The following ZNF740 variants were observed in gnomAD, a reference collection of about 807,000 sequenced individuals.
ZNF740 encodes the protein oriLyt TD-element-binding protein 7.
In ZNF740, 14 loss-of-function variants were observed where a neutral mutation model predicts 24.8. The observed-to-expected ratio is 0.56, with a 90% CI of 0.37 to 0.88. The LOEUF (loss-of-function observed/expected upper bound fraction) is 0.88. Ranked by LOEUF, ZNF740 falls within the 40% of genes least tolerant of loss-of-function variation. The pLI, the probability that ZNF740 is intolerant of heterozygous loss-of-function variation, is 0.00. For missense variants in ZNF740, 201 were observed against 247.9 expected, an observed-to-expected ratio of 0.81 and a Z score of 1.27; for synonymous variants, 69 against 84.0, an observed-to-expected ratio of 0.82 and a Z score of 0.98.
chr12:53,191,442 C>G lies in ZNF740; in HGVS notation c.*3852C>G. Reference sequence around the variant, plus strand: ...AAAATGAAGTAGGGTGGTGGCCGCACCTCGCCAGTGAATTAGTCCCCTACC... The same window carrying G: ...AAAATGAAGTAGGGTGGTGGCCGCAGCTCGCCAGTGAATTAGTCCCCTACC... On this transcript the variant is annotated 3_prime_UTR_variant, in exon 7 of 7. Coordinates refer to ENST00000416904, the MANE Select transcript of ZNF740 (RefSeq NM_001004304.4). 1 of 847,736 alleles carries G rather than the reference C, an allele frequency of 1.2e-6. No individual in the cohort carries two copies. The highest frequency in any genetic ancestry group is 1.4e-5 in the South Asian group (1 of 73,404). 52.5% of individuals were successfully genotyped at this position (847,736 alleles called of 1,614,324 possible). A position where few individuals can be genotyped will look rare whatever the true frequency, so the allele number is the denominator to read the frequency against.
Position 53,190,463 on chromosome 12 carries a change from A to G in ZNF740, c.*2873A>G, listed in dbSNP as rs972545826. ...GCACCAGGCCCTACCAGCTCAGGCTATAAACAGTCTGCTTTGCCCCAAGTC... is the reference window on the plus strand; with the variant it reads ...GCACCAGGCCCTACCAGCTCAGGCTGTAAACAGTCTGCTTTGCCCCAAGTC... On this transcript the variant is annotated 3_prime_UTR_variant, in exon 7 of 7. Coordinates refer to ENST00000416904, the MANE Select transcript of ZNF740 (RefSeq NM_001004304.4). 2.6e-5 allele frequency: 4 copies of G among 152,850 alleles called. No homozygotes were observed. Among genetic ancestry groups the G allele is most frequent in the African/African-American group, 7.2e-5 (3 of 41,452 alleles). The allele number at this position is 152,850 out of a possible 1,614,324, so 9.5% of individuals were successfully genotyped here.
rs761429296 is a variant in ZNF740, at chr12:53,192,302, A to G, written c.*4712A>G. On this transcript the variant is annotated 3_prime_UTR_variant, in exon 7 of 7. Transcript: ENST00000416904. ...TTGAGACCCTGCCCATCAAACTTCC[A>G]GGGTTTGTGGCATCCCTGCCCACTT... is the stretch of plus-strand genomic sequence containing the variant. 1 of 1,609,602 alleles carries G rather than the reference A, an allele frequency of 6.2e-7. No individual in the cohort carries two copies. The highest frequency in any genetic ancestry group is 8.5e-7 in the Non-Finnish European group (1 of 1,176,776).
intron 2 of ZNF740, among the ~76,000 whole-genome samples, chr12:53,183,560 A>C (rs1367481339): frequency 2.6e-5 from 4 of 152,168 alleles, no homozygotes; most frequent in Non-Finnish European, 4.4e-5. Flanking sequence ...AGAATGTAGC[A>C]GTTTTCTGGA....
Position 53,191,819 on chromosome 12 carries a change from GGA to G in ZNF740, c.*4230_*4231del, listed in dbSNP as rs767890051. ...GAATCAGGGCTGGTCTTGTGGTGGG[GGA>G]ACAGCTAAAAAGGGGCCTAACCAGG... On this transcript the variant is annotated 3_prime_UTR_variant, in exon 7 of 7. Transcript: ENST00000416904. 1 of 1,611,828 alleles carries G rather than the reference GGA, an allele frequency of 6.2e-7. No homozygotes were observed. Among genetic ancestry groups the G allele is most frequent in the South Asian group, 1.1e-5 (1 of 91,010 alleles).
In ZNF740 at chr12:53,190,534, C is replaced by G. The variant is rs1248296940; in HGVS notation, c.*2944C>G. 1 of 152,728 alleles carries G rather than the reference C, an allele frequency of 6.5e-6. No individual in the cohort carries two copies. The highest frequency in any genetic ancestry group is 1.5e-5 in the Non-Finnish European group (1 of 68,120). 9.5% of individuals were successfully genotyped at this position (152,728 alleles called of 1,614,324 possible). A position where few individuals can be genotyped will look rare whatever the true frequency, so the allele number is the denominator to read the frequency against. ...GCCTTGTCATCACTTAGCTACTGAT[C>G]ACGCCCATGGCTTGACATTGGAGGG... On this transcript the variant is annotated 3_prime_UTR_variant, in exon 7 of 7. Coordinates refer to ENST00000416904, the MANE Select transcript of ZNF740 (RefSeq NM_001004304.4).
Position 53,181,793 on chromosome 12 carries a change from G to T in ZNF740, c.-191G>T, listed in dbSNP as rs763768866. 2.1e-5 allele frequency: 15 copies of T among 703,846 alleles called. No individual in the cohort carries two copies. The highest frequency in any genetic ancestry group is 3.2e-5 in the Non-Finnish European group (14 of 430,992). 43.6% of individuals were successfully genotyped at this position (703,846 alleles called of 1,614,324 possible). ...GCCAGGCAGAGTCCAGGGATTCTTG[G>T]AACACCTATCTTTTCTTCGGAGGAC... On this transcript the variant is annotated 5_prime_UTR_variant, in exon 2 of 7. Coordinates refer to ENST00000416904, the MANE Select transcript of ZNF740 (RefSeq NM_001004304.4).
chr12:53,192,549 G>T lies in ZNF740; in HGVS notation c.*4959G>T. ...CACTCTGCACAGTCCCTGTGTAGTA[G>T]ATGCCAATAGGTTACCAGCTGGGCA... is the stretch of plus-strand genomic sequence containing the variant. On this transcript the variant is annotated 3_prime_UTR_variant, in exon 7 of 7. Coordinates refer to ENST00000416904, the MANE Select transcript of ZNF740 (RefSeq NM_001004304.4). 6.2e-7 allele frequency: 1 copy of T among 1,613,152 alleles called. No individual in the cohort carries two copies. The highest frequency in any genetic ancestry group is 8.5e-7 in the Non-Finnish European group (1 of 1,179,388).
chr12:53,193,424 T>G lies in ZNF740; in HGVS notation c.*5834T>G. 2 of 1,263,412 alleles carry G rather than the reference T, an allele frequency of 1.6e-6. No homozygotes were observed. Among genetic ancestry groups the G allele is most frequent in the Non-Finnish European group, 1.1e-6 (1 of 928,022 alleles). 78.3% of individuals were successfully genotyped at this position (1,263,412 alleles called of 1,614,324 possible). A position where few individuals can be genotyped will look rare whatever the true frequency, so the allele number is the denominator to read the frequency against. ...AGGGTTTGATCACCCCTGACTTGTC[T>G]CTCCCAGGAACCTCTAAACCCAAGT... On this transcript the variant is annotated 3_prime_UTR_variant, in exon 7 of 7. Transcript: ENST00000416904.
Position 53,192,211 on chromosome 12 carries a change from C to G in ZNF740, c.*4621C>G. On this transcript the variant is annotated 3_prime_UTR_variant, in exon 7 of 7. Transcript: ENST00000416904. ...TTGCTCAATTGCCTCTGCCTTTGTC[C>G]TGGATTCACAGTTCTGCTTCAGCCC... The G allele has an allele frequency of 3.1e-6, 4 of 1,273,530 alleles. 1 individual carries two copies. In the South Asian group the frequency reaches 5.2e-5, roughly 17 times the overall value. 78.9% of individuals were successfully genotyped at this position (1,273,530 alleles called of 1,614,324 possible). A position where few individuals can be genotyped will look rare whatever the true frequency, so the allele number is the denominator to read the frequency against.
chr12:53,188,859 A>G lies in ZNF740; in HGVS notation c.*1269A>G, dbSNP rs1302198570. The G allele has an allele frequency of 3.9e-5, 6 of 152,152 alleles. No individual in the cohort carries two copies. Among genetic ancestry groups the G allele is most frequent in the Admixed American group, 3.9e-4 (6 of 15,270 alleles). The allele number at this position is 152,152 out of a possible 1,614,324, so 9.4% of individuals were successfully genotyped here. On this transcript the variant is annotated 3_prime_UTR_variant, in exon 7 of 7. Transcript: ENST00000416904. ...TGCTCCTCTCTGCTCCAATACCACC[A>G]CCTTGTCCACTCCCAAAAAAGTAAT...
Position 53,192,729 on chromosome 12 carries a change from G to A in ZNF740, c.*5139G>A. The A allele has an allele frequency of 6.2e-7, 1 of 1,614,220 alleles. No individual in the cohort carries two copies. Among genetic ancestry groups the A allele is most frequent in the Non-Finnish European group, 8.5e-7 (1 of 1,180,044 alleles). ...ATGGTGTCTTGCAGCCTGGGCATTGGTCGCATAGAGCACCATAGTAGCCGT... is the reference window on the plus strand; with the variant it reads ...ATGGTGTCTTGCAGCCTGGGCATTGATCGCATAGAGCACCATAGTAGCCGT... On this transcript the variant is annotated 3_prime_UTR_variant, in exon 7 of 7. Coordinates refer to ENST00000416904, the MANE Select transcript of ZNF740 (RefSeq NM_001004304.4).
rs1941865796 is a variant in ZNF740, at chr12:53,188,474, C to G, written c.*884C>G. The G allele has an allele frequency of 6.6e-6, 1 of 152,586 alleles. No homozygotes were observed. Among genetic ancestry groups the G allele is most frequent in the Non-Finnish European group, 1.5e-5 (1 of 68,044 alleles). The allele number at this position is 152,586 out of a possible 1,614,324, so 9.5% of individuals were successfully genotyped here. ...GCTGCCATTGACTCCTAAAGTGAGA[C>G]AGATGTGTTGAGCAAGGAGTCATGG... On this transcript the variant is annotated 3_prime_UTR_variant, in exon 7 of 7. Transcript: ENST00000416904.
Position 53,192,107 on chromosome 12 carries a change from C to A in ZNF740, c.*4517C>A. 1.4e-6 allele frequency: 2 copies of A among 1,479,966 alleles called. No homozygotes were observed. Among genetic ancestry groups the A allele is most frequent in the East Asian group, 2.4e-5 (1 of 42,404 alleles). The allele number at this position is 1,479,966 out of a possible 1,614,324, so 91.7% of individuals were successfully genotyped here. ...TCACAGTGTGTCCAGCCTGTCCAACCCTGTCTGTCACTGAAAGCAAAGGGA... is the reference window on the plus strand; with the variant it reads ...TCACAGTGTGTCCAGCCTGTCCAACACTGTCTGTCACTGAAAGCAAAGGGA... On this transcript the variant is annotated 3_prime_UTR_variant, in exon 7 of 7. Transcript: ENST00000416904.
intron 2 of ZNF740, among the ~76,000 whole-genome samples, chr12:53,184,151 GCGCGCGCGCGCTC>G (rs1941772108): frequency 4.2e-5 from 3 of 70,904 alleles, no homozygotes; most frequent in East Asian, 6.5e-4. Context: ...GTGTGTGTGT[GCGCGCGCGCGCTC>G]TGAAGCTAAG....
At position 53,192,797 on chromosome 12, in the gene ZNF740, TGCAGAGCCCTCCCTCG is replaced by T. The variant is rs770821863; in HGVS notation, c.*5209_*5224del. 6.2e-7 allele frequency: 1 copy of T among 1,614,216 alleles called. No homozygotes were observed. The highest frequency in any genetic ancestry group is 1.1e-5 in the South Asian group (1 of 91,090). On this transcript the variant is annotated 3_prime_UTR_variant, in exon 7 of 7. Transcript: ENST00000416904. Reference sequence around the variant, plus strand: ...TTGCATTTGCAGCGTCCATGCCCACTGCAGAGCCCTCCCTCGGGACTGATGCAACTGTCCATGTCCC... The same window carrying T: ...TTGCATTTGCAGCGTCCATGCCCACTGGACTGATGCAACTGTCCATGTCCC...
Position 53,188,123 on chromosome 12 carries a change from A to G in ZNF740, c.*533A>G, listed in dbSNP as rs4411345. On this transcript the variant is annotated 3_prime_UTR_variant, in exon 7 of 7. Transcript: ENST00000416904. The stretch of plus-strand genomic sequence containing the variant: ...TGCAGTAGCTCCTCAGTGTTTCACA[A>G]TCCTGCACTTCGCCTCCTTTTTGAG... 4,548 of 158,804 alleles carry G rather than the reference A, an allele frequency of 0.029. 224 individuals carry two copies. The highest frequency in any genetic ancestry group is 0.1 in the African/African-American group (4,302 of 41,612). 9.8% of individuals were successfully genotyped at this position (158,804 alleles called of 1,614,324 possible). A position where few individuals can be genotyped will look rare whatever the true frequency, so the allele number is the denominator to read the frequency against.
At position 53,185,002 on chromosome 12, in the gene ZNF740, C is replaced by A; in HGVS notation, c.121C>A (p.Arg41=). ...CAGCAAGCAGGCCGAGAATGGCGAG[C>A]GGGCAGGTAGCCCTGATGTGCTGAG... The part of the protein sequence containing the change: ...IASKQAENGE[R]AGSPDVLRCS... Residue 41 remains arginine (R), a synonymous_variant, in exon 3 of 7, where the codon CGG becomes AGG. Coordinates refer to ENST00000416904, the MANE Select transcript of ZNF740 (RefSeq NM_001004304.4). 1.9e-6 allele frequency: 3 copies of A among 1,613,994 alleles called. No individual in the cohort carries two copies. The highest frequency in any genetic ancestry group is 2.5e-6 in the Non-Finnish European group (3 of 1,179,892).
chr12:53,184,713 C>T (rs1223810098), intron 2 of ZNF740, among the ~76,000 whole-genome samples, 178 bp from the exon 3 acceptor site: 4 of 152,140 alleles, frequency 2.6e-5, no homozygotes, highest in African/African-American at 9.7e-5. Context: ...TAAGTCGTTC[C>T]TGGTGAGATG....
intron 2 of ZNF740, among the ~76,000 whole-genome samples, chr12:53,182,866 C>T (rs1253612560): frequency 6.6e-6 from 1 of 152,126 alleles, no homozygotes; most frequent in Non-Finnish European, 1.5e-5. Flanking sequence ...AGCATCAGAT[C>T]AGTGTTATGT....
Sources: allele counts gnomAD v4.1 joint callset (sites outside exome capture counted in the v4.1 genomes callset), GRCh38; gene constraint gnomAD v4.1.1; transcripts MANE v1.5; gene names NCBI Gene and HGNC (gene_info 2026-07-23, HGNC 2026-07-21).